NRDC: variants seen among roughly 807,000 people sequenced by gnomAD.
The protein encoded by NRDC is nardilysin convertase.
NRDC carries 54 observed loss-of-function variants against 147.1 expected under a neutral mutation model. The ratio of observed to expected loss-of-function variants is 0.37; its 90% confidence interval spans 0.29 to 0.46. NRDC has a LOEUF of 0.46. Ranked by LOEUF, NRDC falls within the 20% of genes least tolerant of loss-of-function variation. The pLI, the probability that NRDC is intolerant of heterozygous loss-of-function variation, is 1.00. For synonymous variants in NRDC, 440 were observed against 482.1 expected, an observed-to-expected ratio of 0.91 and a Z score of 1.14; for missense variants, 1,082 against 1,370.6, an observed-to-expected ratio of 0.79 and a Z score of 3.33.
rs1491558445 is a variant in NRDC, at chr1:51,789,451, CAA to C, written c.3259-20_3259-19del. The C allele has an allele frequency of 6.2e-7, 1 of 1,613,258 alleles. No individual in the cohort carries two copies. Among genetic ancestry groups the C allele is most frequent in the African/African-American group, 1.3e-5 (1 of 74,962 alleles). ...CCAACAACCTGAAAGAGGACAAAGA[CAA>C]AAGTGAAAAATATGCTGACCAGATT... is the stretch of plus-strand genomic sequence containing the variant. On this transcript the variant is annotated intron_variant, in intron 30 of 30. Coordinates refer to ENST00000352171, the MANE Select transcript of NRDC (RefSeq NM_001101662.2).
At position 51,798,336 on chromosome 1, in the gene NRDC, A is replaced by G; in HGVS notation, c.2517T>C (p.Leu839=). ...CGAAGCTCAGCAGAGACTCAAGGGA[A>G]AGGCCGTCCATCAAAGCCTGGTACT... ...IDKYQALMDG[L]SLESLLSFVK... The change falls in exon 22 of 31, where the codon CTT becomes CTC. Residue 839 remains leucine, a synonymous_variant. Transcript: ENST00000352171. 1 of 1,614,140 alleles carries G rather than the reference A, an allele frequency of 6.2e-7. No homozygotes were observed. Among genetic ancestry groups the G allele is most frequent in the Non-Finnish European group, 8.5e-7 (1 of 1,179,972 alleles).
chr1:51,865,743 G>GT (rs1240754681), intron 1 of NRDC, among the ~76,000 whole-genome samples: 1 of 152,096 alleles, frequency 6.6e-6, no homozygotes, highest in Non-Finnish European at 1.5e-5. Context: ...TCCACAGATA[G>GT]TAATTTTTTT....
At chr1:51,810,887 T>C (rs545532386) in intron 15 of NRDC, among the ~76,000 whole-genome samples, 53 of 152,014 alleles carry the variant, frequency 3.5e-4, no homozygotes, top group Middle Eastern at 3.4e-3. Context: ...AAAAGTGGAG[T>C]TCTAACTAAA....
intron 1 of NRDC, chr1:51,862,038 T>C (rs981362543): frequency 3.9e-5 from 6 of 152,266 alleles, no homozygotes; most frequent in Admixed American, 1.3e-4. Context: ...TTTAGATGCA[T>C]AGAACTGTTT....
intron 1 of NRDC, among the ~76,000 whole-genome samples, chr1:51,857,441 T>C (rs1682307171): frequency 6.6e-6 from 1 of 152,236 alleles, no homozygotes; most frequent in South Asian, 2.1e-4. Context: ...AATCATTCTT[T>C]GCTCAGTTAA....
intron 11 of NRDC, chr1:51,816,107 G>A (rs1679955932): frequency 6.4e-6 from 2 of 312,244 alleles, no homozygotes; most frequent in South Asian, 1.6e-4. Context: ...TTCCAACAAT[G>A]GGCTAAAAGG....
chr1:51,817,618 T>G (rs903401119), intron 10 of NRDC, among the ~76,000 whole-genome samples: 12 of 152,196 alleles, frequency 7.9e-5, no homozygotes, highest in African/African-American at 2.9e-4. Flanking sequence ...ATCAACTCAC[T>G]GCAACCTCCA....
intron 16 of NRDC, 80 bp from the exon 17 acceptor site, chr1:51,809,481 G>T: frequency 1.1e-6 from 1 of 929,858 alleles, no homozygotes; most frequent in Non-Finnish European, 1.8e-6. Flanking sequence ...GTTATCAACT[G>T]GCTTACAAAT....
chr1:51,843,534 T>C (rs1681379625), intron 1 of NRDC, among the ~76,000 whole-genome samples: 1 of 152,230 alleles, frequency 6.6e-6, no homozygotes, highest in African/African-American at 2.4e-5. Context: ...GCTAAACATT[T>C]GTTGAAGATA....
chr1:51,791,665 C>G lies in NRDC; in HGVS notation c.2877-4G>C. 3 of 1,611,686 alleles carry G rather than the reference C, an allele frequency of 1.9e-6. No homozygotes were observed. The highest frequency in any genetic ancestry group is 2.5e-6 in the Non-Finnish European group (3 of 1,177,822). ...ACAGGTAGGGTAGACATGGTACCTA[C>G]AAGCCAGAGAGAAAAGTTATATGAG... is the stretch of plus-strand genomic sequence containing the variant. On this transcript the variant is annotated splice_polypyrimidine_tract_variant and splice_region_variant and intron_variant, in intron 26 of 30. Transcript: ENST00000352171.
Position 51,878,523 on chromosome 1 carries a change from T to C in NRDC, c.93A>G (p.Glu31=), listed in dbSNP as rs770943354. The C allele has an allele frequency of 6.2e-7, 1 of 1,613,782 alleles. No homozygotes were observed. The highest frequency in any genetic ancestry group is 1.1e-5 in the South Asian group (1 of 91,044). ...CAGAGTCTTCGCACCGACCCCGCGTTTCGATTCCCCAGAGCGCCGCGAGCT... is the reference window on the plus strand; with the variant it reads ...CAGAGTCTTCGCACCGACCCCGCGTCTCGATTCCCCAGAGCGCCGCGAGCT... The part of the protein sequence containing the change: ...GRELAALWGI[E]TRGRCEDSAA... Residue 31 remains glutamate, a synonymous_variant, in exon 1 of 31, where the codon GAA becomes GAG. Transcript: ENST00000352171.
Position 51,790,890 on chromosome 1 carries a change from GCA to G in NRDC, c.3051+8_3051+9del. 1 of 1,607,468 alleles carries G rather than the reference GCA, an allele frequency of 6.2e-7. No homozygotes were observed. The highest frequency in any genetic ancestry group is 8.5e-7 in the Non-Finnish European group (1 of 1,174,566). ...GGCCAAAGGCCAAAAGACCAGGCTG[GCA>G]CAGTCACCTGGGTGTTGAATGCCTC... On this transcript the variant is annotated splice_region_variant and intron_variant, in intron 28 of 30. Coordinates refer to ENST00000352171, the MANE Select transcript of NRDC (RefSeq NM_001101662.2).
chr1:51,805,498 A>G lies in NRDC; in HGVS notation c.2162+12T>C. Reference sequence around the variant, plus strand: ...AAAAATGTATTTTCCAGAAAAAAAGACAATTGCTTACTTTGCTGCAGATTT... The same window carrying G: ...AAAAATGTATTTTCCAGAAAAAAAGGCAATTGCTTACTTTGCTGCAGATTT... On this transcript the variant is annotated intron_variant, in intron 19 of 30. Transcript: ENST00000352171. 6.4e-7 allele frequency: 1 copy of G among 1,565,908 alleles called. No individual in the cohort carries two copies. The highest frequency in any genetic ancestry group is 8.6e-7 in the Non-Finnish European group (1 of 1,158,338).
intron 4 of NRDC, among the ~76,000 whole-genome samples, chr1:51,831,665 G>A (rs1025471908): frequency 6.7e-6 from 1 of 149,654 alleles, no homozygotes; most frequent in Non-Finnish European, 1.5e-5. Flanking sequence ...TGCAACCTCC[G>A]TCTCCCAGGT....
intron 24 of NRDC, 29 bp downstream of exon 24, chr1:51,794,443 T>C: frequency 1.2e-6 from 2 of 1,609,330 alleles, no homozygotes; most frequent in South Asian, 2.2e-5. Flanking sequence ...CACTGGGCCT[T>C]CCGCCAGTCT....
intron 5 of NRDC, among the ~76,000 whole-genome samples, chr1:51,825,765 A>G (rs995766322): frequency 1.3e-5 from 2 of 152,190 alleles, no homozygotes; most frequent in African/African-American, 4.8e-5. Flanking sequence ...AAAACCAACT[A>G]TGTTGGTAAT....
intron 21 of NRDC, among the ~76,000 whole-genome samples, chr1:51,799,827 T>A (rs937439016): frequency 6.6e-6 from 1 of 152,238 alleles, no homozygotes; most frequent in African/African-American, 2.4e-5. Flanking sequence ...GCATACAGAC[T>A]GTGTAGCTGC....
At chr1:51,859,602 G>A (rs1011760307) in intron 1 of NRDC, among the ~76,000 whole-genome samples, 14 of 152,194 alleles carry the variant, frequency 9.2e-5, no homozygotes, top group African/African-American at 2.2e-4. Flanking sequence ...ACAGCTGTGC[G>A]TAAATTCAGG....
intron 9 of NRDC, among the ~76,000 whole-genome samples, chr1:51,818,358 A>G (rs1222709015): frequency 2.0e-5 from 3 of 152,224 alleles, no homozygotes; most frequent in Non-Finnish European, 4.4e-5. Context: ...GGATAAAAGA[A>G]CTATGAGGAT....
Sources: allele counts gnomAD v4.1 joint callset (sites outside exome capture counted in the v4.1 genomes callset), GRCh38; gene constraint gnomAD v4.1.1; transcripts MANE v1.5; gene names NCBI Gene and HGNC (gene_info 2026-07-23, HGNC 2026-07-21).